The following PLCB4 variants were observed in gnomAD, a reference collection of about 807,000 sequenced individuals.
The protein encoded by PLCB4 is 1-phosphatidylinositol 4,5-bisphosphate phosphodiesterase beta-4.
A neutral mutation model predicts 178.8 loss-of-function variants in PLCB4; 77 were observed. The ratio of observed to expected loss-of-function variants is 0.43; its 90% confidence interval spans 0.36 to 0.52. PLCB4 has a LOEUF of 0.52. Ranked by LOEUF, PLCB4 falls within the 20% of genes least tolerant of loss-of-function variation. The pLI is 0.00. For synonymous variants in PLCB4, 496 were observed against 490.8 expected, an observed-to-expected ratio of 1.01 and a Z score of -0.14; for missense variants, 1,024 against 1,453.4, an observed-to-expected ratio of 0.70 and a Z score of 4.80.
At chr20:9,397,485 A>G (rs2038686759) in intron 19 of PLCB4, among the ~76,000 whole-genome samples, 1 of 152,234 alleles carries the variant, frequency 6.6e-6, no homozygotes, top group South Asian at 2.1e-4. Flanking sequence ...AATGGTGAAC[A>G]TCAGAAGCTT....
chr20:9,338,145 A>G, intron 6 of PLCB4, 78 bp downstream of exon 6: 1 of 944,368 alleles, frequency 1.1e-6, no homozygotes, highest in Non-Finnish European at 1.7e-6. Context: ...AGAGATAAAA[A>G]ACTCACTCTT....
At chr20:9,345,988 A>G (rs760270365) in intron 7 of PLCB4, among the ~76,000 whole-genome samples, 1 of 152,176 alleles carries the variant, frequency 6.6e-6, no homozygotes, top group Non-Finnish European at 1.5e-5. Context: ...TCTCTATTTA[A>G]ATTGAGTCCT....
chr20:9,473,251 AG>A lies in PLCB4; in HGVS notation c.3409-27del, dbSNP rs199661753. On this transcript the variant is annotated intron_variant, in intron 37 of 39. Transcript: ENST00000378473. Reference sequence around the variant, plus strand: ...TAAGATTGTAACCCAAAGTTCAATCAGAATTTTTTTTTTTTTTTTTTTTGCA... The same window carrying A: ...TAAGATTGTAACCCAAAGTTCAATCAAATTTTTTTTTTTTTTTTTTTTGCA... 9,564 of 1,198,380 alleles carry A rather than the reference AG, an allele frequency of 8.0e-3. 366 individuals carry two copies. The African/African-American group carries it at 0.14, about 18-fold the overall frequency. The allele number at this position is 1,198,380 out of a possible 1,614,324, so 74.2% of individuals were successfully genotyped here.
At position 9,316,783 on chromosome 20, in the gene PLCB4, T is replaced by C. The variant is rs551574374; in HGVS notation, c.84+8885T>C. On this transcript the variant is annotated intron_variant, in intron 4 of 39. Coordinates refer to ENST00000378473, the MANE Select transcript of PLCB4 (RefSeq NM_001377142.1). ...CAACCCAAAGCAGCAAAAACTAAGA[T>C]CAGCCAGATTTTTGCAAAGAAAAAC... Among the ~76,000 whole-genome samples the C allele has an allele frequency of 1.1e-4, 17 of 152,246 alleles. No individual in the cohort carries two copies. In the East Asian group the frequency reaches 3.3e-3, roughly 29 times the overall value.
In PLCB4 at chr20:9,384,213, G is replaced by A. The variant is rs1418699766; in HGVS notation, c.866G>A (p.Ser289Asn). ...EDLKKKGLIS[S>N]DGFCRYLMSD... ...CTTTTTCCCCTAGGCCTTATATCAA[G>A]TGATGGGTTTTGCAGATATCTGATG... The change falls in exon 14 of 40, where the codon AGT becomes AAT. Residue 289 changes from serine (S) to asparagine (N), a missense_variant. Ser to Asn is a conservative substitution (Grantham distance 46). Around this residue, in one of 7 missense-constraint regions of PLCB4, gnomAD observed 263 missense variants for 417.4 expected, o/e 0.63. Transcript: ENST00000378473. 1.2e-6 allele frequency: 2 copies of A among 1,613,258 alleles called. No individual in the cohort carries two copies. The highest frequency in any genetic ancestry group is 1.7e-5 in the Admixed American group (1 of 60,002).
At chr20:9,468,226 A>G (rs1300255296) in intron 35 of PLCB4, among the ~76,000 whole-genome samples, 4 of 152,122 alleles carry the variant, frequency 2.6e-5, no homozygotes, top group African/African-American at 9.7e-5. Flanking sequence ...CAGCATCCAC[A>G]TAGCTTGGGG....
chr20:9,334,841 G>C (rs1283937117), intron 4 of PLCB4, among the ~76,000 whole-genome samples: 1 of 152,136 alleles, frequency 6.6e-6, no homozygotes, highest in South Asian at 2.1e-4. Flanking sequence ...GGAATTCCAA[G>C]AGTGAGATAT....
rs1281527899 is a variant in PLCB4, at chr20:9,156,851, CCCTT to C, written c.-78-60513_-78-60510del. Among the ~76,000 whole-genome samples, 150 of 88,908 alleles carry C rather than the reference CCCTT, an allele frequency of 1.7e-3. 1 individual carries two copies. Among genetic ancestry groups the C allele is most frequent in the African/African-American group, 6.0e-3 (126 of 20,862 alleles). The allele number at this position is 88,908 out of a possible 152,430, so 58.3% of individuals were successfully genotyped here. A position where few individuals can be genotyped will look rare whatever the true frequency, so the allele number is the denominator to read the frequency against. On this transcript the variant is annotated intron_variant, in intron 2 of 39. Transcript: ENST00000378473. ...TCCCTCCCTCCCTCCCTCCCTCCCTCCCTTCCTTCCTTCCTTCCTTCCTTCCTTC... is the reference window on the plus strand; with the variant it reads ...TCCCTCCCTCCCTCCCTCCCTCCCTCCCTTCCTTCCTTCCTTCCTTCCTTC...
chr20:9,289,078 A>G (rs934845037), intron 3 of PLCB4, among the ~76,000 whole-genome samples: 1 of 152,086 alleles, frequency 6.6e-6, no homozygotes, highest in Non-Finnish European at 1.5e-5. Flanking sequence ...TATCCATGCA[A>G]TTGTCATACT....
At chr20:9,267,269 A>G (rs528784603) in intron 3 of PLCB4, among the ~76,000 whole-genome samples, 1 of 152,306 alleles carries the variant, frequency 6.6e-6, no homozygotes, top group Admixed American at 6.5e-5. Context: ...CTAGGACATT[A>G]TATCAACTTG....
At chr20:9,473,657 T>C (rs979051617) in intron 38 of PLCB4, among the ~76,000 whole-genome samples, 1 of 152,162 alleles carries the variant, frequency 6.6e-6, no homozygotes, top group Non-Finnish European at 1.5e-5. Flanking sequence ...AAAAAAGAGA[T>C]TACGAAGTAT....
intron 7 of PLCB4, among the ~76,000 whole-genome samples, chr20:9,342,668 TTTC>T (rs2033358604): frequency 4.0e-5 from 6 of 151,702 alleles, no homozygotes; most frequent in African/African-American, 1.5e-4. Flanking sequence ...TTTTTTTTTT[TTTC>T]CCCCTGTACT....
rs1272751403 is a variant in PLCB4, at chr20:9,089,390, A to C, written c.-134-6897A>C. On this transcript the variant is annotated intron_variant, in intron 1 of 39. Coordinates refer to ENST00000378473, the MANE Select transcript of PLCB4 (RefSeq NM_001377142.1). ...GTAAAAAATATTGGAAAATAACTTAAAAGCACAAAGAAGAAGGGAAGAAGG... is the reference window on the plus strand; with the variant it reads ...GTAAAAAATATTGGAAAATAACTTACAAGCACAAAGAAGAAGGGAAGAAGG... 3.3e-5 allele frequency among the ~76,000 whole-genome samples: 5 copies of C among 152,128 alleles called. 1 individual carries two copies. The highest frequency in any genetic ancestry group is 7.4e-5 in the Non-Finnish European group (5 of 67,984).
At chr20:9,464,282 G>T (rs1603022442) in intron 35 of PLCB4, among the ~76,000 whole-genome samples, 2 of 152,212 alleles carry the variant, frequency 1.3e-5, no homozygotes, top group East Asian at 3.8e-4. Context: ...TTAAAGCAGT[G>T]TGTAGAGGGA....
chr20:9,425,841 A>AG (rs2040964537), intron 28 of PLCB4, among the ~76,000 whole-genome samples: 1 of 152,150 alleles, frequency 6.6e-6, no homozygotes, highest in Non-Finnish European at 1.5e-5. Context: ...GGTGTCAGGG[A>AG]CTTCCCTGTA....
At chr20:9,106,718 T>C (rs960740281) in intron 2 of PLCB4, among the ~76,000 whole-genome samples, 1 of 152,152 alleles carries the variant, frequency 6.6e-6, no homozygotes, top group Non-Finnish European at 1.5e-5. Flanking sequence ...ACTCCTTTAA[T>C]GTGCCAATGG....
At chr20:9,438,871 C>G (rs746950429) in intron 30 of PLCB4, among the ~76,000 whole-genome samples, 2 of 151,988 alleles carry the variant, frequency 1.3e-5, no homozygotes, top group African/African-American at 4.8e-5. Context: ...TTCTGGAGGA[C>G]AGTAGCATGT....
intron 2 of PLCB4, among the ~76,000 whole-genome samples, chr20:9,097,247 T>A (rs868645798): frequency 4.7e-5 from 7 of 149,990 alleles, no homozygotes; most frequent in South Asian, 4.3e-4. Context: ...TTTTTTTTTT[T>A]TTTTTTGGTT....
chr20:9,189,550 G>A (rs1329886494), intron 2 of PLCB4, among the ~76,000 whole-genome samples: 2 of 152,202 alleles, frequency 1.3e-5, no homozygotes, highest in South Asian at 2.1e-4. Context: ...AGGATGCTTA[G>A]CAGCATCCCC....
Sources: allele counts gnomAD v4.1 joint callset (sites outside exome capture counted in the v4.1 genomes callset), GRCh38; gene constraint gnomAD v4.1.1; regional missense constraint gnomAD v4.1.1; transcripts MANE v1.5; gene names NCBI Gene and HGNC (gene_info 2026-07-23, HGNC 2026-07-21).